The following SMC3 variants were observed in gnomAD, a reference collection of about 807,000 sequenced individuals.
SMC3 encodes structural maintenance of chromosomes 3.
Under a neutral mutation model 171.8 loss-of-function variants are expected in SMC3, and 20 were observed. The observed-to-expected ratio is 0.12, with a 90% CI of 0.08 to 0.17. The LOEUF (loss-of-function observed/expected upper bound fraction) is 0.17. SMC3 is among the 10% of genes least tolerant of loss of function. The probability of loss-of-function intolerance (pLI) is 1.00; values close to 1 mark genes in which losing one functional copy is unlikely to be tolerated. For synonymous variants in SMC3, 464 were observed against 451.1 expected, an observed-to-expected ratio of 1.03 and a Z score of -0.36; for missense variants, 543 against 1,420.4, an observed-to-expected ratio of 0.38 and a Z score of 9.93.
chr10:110,573,218 C>CA (rs1162629921), intron 2 of SMC3, among the ~76,000 whole-genome samples: 1 of 151,962 alleles, frequency 6.6e-6, no homozygotes, highest in Non-Finnish European at 1.5e-5. Context: ...TTTTGTTAGT[C>CA]AAAAAGTACC....
chr10:110,598,465 G>C (rs1861334811), intron 20 of SMC3, among the ~76,000 whole-genome samples, 175 bp downstream of exon 20: 1 of 151,760 alleles, frequency 6.6e-6, no homozygotes, highest in South Asian at 2.1e-4. Context: ...GGAGTGCAGT[G>C]GTGCGTTCTC....
chr10:110,575,416 G>A lies in SMC3; in HGVS notation c.198+13G>A. ...GGCTTTATTGCATGTGAGTGAGACT[G>A]CTTTAAGACATTATTGATATTACAT... is the stretch of plus-strand genomic sequence containing the variant. On this transcript the variant is annotated intron_variant, in intron 4 of 28. Coordinates refer to ENST00000361804, the MANE Select transcript of SMC3 (RefSeq NM_005445.4). 1 of 1,586,450 alleles carries A rather than the reference G, an allele frequency of 6.3e-7. No homozygotes were observed. The highest frequency in any genetic ancestry group is 8.7e-7 in the Non-Finnish European group (1 of 1,155,104).
intron 18 of SMC3, among the ~76,000 whole-genome samples, chr10:110,593,993 AAAAG>A (rs1429452226): frequency 6.6e-6 from 1 of 152,208 alleles, no homozygotes; most frequent in Non-Finnish European, 1.5e-5. Context: ...GTCTCAAAAA[AAAAG>A]AAAAATTTAT....
In SMC3 at chr10:110,569,851, C is replaced by T. The variant is rs142996681; in HGVS notation, c.91+838C>T. Among the ~76,000 whole-genome samples the T allele has an allele frequency of 3.5e-3, 533 of 152,294 alleles. 2 individuals carry two copies. The highest frequency in any genetic ancestry group is 0.012 in the African/African-American group (502 of 41,560). ...GATTGTAGTGTGCATTTTGCTGATA[C>T]AGCTAACAAAAATGTTTTCTGACAC... On this transcript the variant is annotated intron_variant, in intron 2 of 28. Transcript: ENST00000361804.
chr10:110,585,773 T>TA (rs1861103804), intron 13 of SMC3, among the ~76,000 whole-genome samples: 1 of 151,650 alleles, frequency 6.6e-6, no homozygotes, highest in African/African-American at 2.4e-5. Flanking sequence ...ACTTATTAAT[T>TA]GTATATTATA....
Position 110,581,945 on chromosome 10 carries a change from T to C in SMC3, c.570T>C (p.Asn190=). ...KETEGKREKI[N]ELLKYIEERL... The stretch of plus-strand genomic sequence containing the variant: ...AAGAGGGCAAACGGGAAAAAATCAA[T>C]GAGTTGTTAAAATACATTGAAGAGA... Residue 190 remains asparagine, a synonymous_variant, in exon 9 of 29, where the codon AAT becomes AAC. Coordinates refer to ENST00000361804, the MANE Select transcript of SMC3 (RefSeq NM_005445.4). 6 of 1,613,722 alleles carry C rather than the reference T, an allele frequency of 3.7e-6. No individual in the cohort carries two copies. Among genetic ancestry groups the C allele is most frequent in the Non-Finnish European group, 5.1e-6 (6 of 1,179,784 alleles).
At chr10:110,586,479 C>T (rs754640419) in intron 13 of SMC3, among the ~76,000 whole-genome samples, 3 of 152,128 alleles carry the variant, frequency 2.0e-5, no homozygotes, top group Non-Finnish European at 4.4e-5. Context: ...TTTATGAAAC[C>T]AACCTCAGCA....
At chr10:110,603,986 T>G (rs537181257) in intron 28 of SMC3, among the ~76,000 whole-genome samples, 1 of 150,008 alleles carries the variant, frequency 6.7e-6, no homozygotes, top group Non-Finnish European at 1.5e-5. Flanking sequence ...TCCCAGCTAC[T>G]TGGGAGTCTG....
At chr10:110,595,952 T>TC in intron 18 of SMC3, among the ~76,000 whole-genome samples, 1 of 118,890 alleles carries the variant, frequency 8.4e-6, no homozygotes, top group Non-Finnish European at 1.7e-5. Context: ...AGACTGCAAA[T>TC]TTTGGCTGGG....
intron 13 of SMC3, among the ~76,000 whole-genome samples, chr10:110,586,808 C>A (rs529584715): frequency 1.3e-5 from 2 of 152,150 alleles, no homozygotes; most frequent in Non-Finnish European, 2.9e-5. Context: ...CAGGCGCCCG[C>A]CACTGCTCCC....
chr10:110,602,285 T>G, intron 25 of SMC3, 107 bp downstream of exon 25: 1 of 1,093,030 alleles, frequency 9.1e-7, no homozygotes, highest in Non-Finnish European at 1.4e-6. Flanking sequence ...CAGGTGAATC[T>G]AATACATGTG....
intron 5 of SMC3, 113 bp from the exon 6 acceptor site, chr10:110,577,722 A>G: frequency 1.3e-6 from 1 of 761,504 alleles, no homozygotes; most frequent in Non-Finnish European, 2.2e-6. Flanking sequence ...TTTTAGTGAG[A>G]TAATTGAAAT....
intron 2 of SMC3, among the ~76,000 whole-genome samples, chr10:110,571,203 TTAA>T (rs549584201): frequency 1.3e-5 from 2 of 152,240 alleles, no homozygotes; most frequent in African/African-American, 4.8e-5. Context: ...ATAACCATTC[TTAA>T]TAATAACAGT....
At chr10:110,581,109 G>A in intron 8 of SMC3, 88 bp downstream of exon 8, 1 of 779,752 alleles carries the variant, frequency 1.3e-6, no homozygotes, top group Admixed American at 1.7e-5. Context: ...TATAGTAGGT[G>A]TTTAGTATAT....
intron 13 of SMC3, among the ~76,000 whole-genome samples, chr10:110,584,723 T>C (rs1306886375): frequency 6.6e-6 from 1 of 152,230 alleles, no homozygotes; most frequent in Non-Finnish European, 1.5e-5. Context: ...CCTTCCAGGC[T>C]CAGCGATCCT....
intron 8 of SMC3, 29 bp from the exon 9 acceptor site, chr10:110,581,894 C>T (rs751956359): frequency 2.7e-5 from 43 of 1,583,346 alleles, no homozygotes; most frequent in Non-Finnish European, 3.7e-5. Flanking sequence ...TTATTCAATT[C>T]TTCCACCTCT....
rs541044282 is a variant in SMC3, at chr10:110,599,287, G to A, written c.2269-367G>A. Among the ~76,000 whole-genome samples the A allele has an allele frequency of 8.9e-4, 136 of 152,226 alleles. 1 individual carries two copies. The highest frequency in any genetic ancestry group is 1.6e-3 in the Non-Finnish European group (112 of 68,008). On this transcript the variant is annotated intron_variant, in intron 20 of 28. Transcript: ENST00000361804. ...TAATTTTTGTATTTTCAGTATAGAC[G>A]GGTTTCACCATGTTGGCCAGGCTCG...
intron 19 of SMC3, among the ~76,000 whole-genome samples, chr10:110,597,085 G>T (rs1176119326): frequency 6.6e-6 from 1 of 150,840 alleles, no homozygotes; most frequent in South Asian, 2.1e-4. Context: ...TGGAGGTTGC[G>T]GTGAGCTGAG....
Position 110,584,404 on chromosome 10 carries a change from C to G in SMC3, c.1305+8C>G. The stretch of plus-strand genomic sequence containing the variant: ...AATCTGGAGCAGTATAATGTAAGAA[C>G]TTCTATAGCTGCTTTGTAAAAATCT... On this transcript the variant is annotated splice_region_variant and intron_variant, in intron 13 of 28. Transcript: ENST00000361804. 1 of 1,574,788 alleles carries G rather than the reference C, an allele frequency of 6.4e-7. No homozygotes were observed. The highest frequency in any genetic ancestry group is 8.7e-7 in the Non-Finnish European group (1 of 1,146,384).
Sources: allele counts gnomAD v4.1 joint callset (sites outside exome capture counted in the v4.1 genomes callset), GRCh38; gene constraint gnomAD v4.1.1; transcripts MANE v1.5; gene names NCBI Gene and HGNC (gene_info 2026-07-23, HGNC 2026-07-21).